The following CSMD1 variants were observed in gnomAD, a reference collection of about 807,000 sequenced individuals.
The protein encoded by CSMD1 is CUB and Sushi multiple domains 1.
CSMD1 carries 213 observed loss-of-function variants against 417.5 expected under a neutral mutation model. The ratio of observed to expected loss-of-function variants is 0.51; its 90% CI spans 0.46 to 0.57. The LOEUF is 0.57. Ranked by LOEUF, CSMD1 falls within the 20% of genes least tolerant of loss-of-function variation. The pLI, the probability that CSMD1 is intolerant of heterozygous loss-of-function variation, is 0.00. For missense variants in CSMD1, 6,923 were observed against 4,529.7 expected (o/e 1.53, Z -15.17); for synonymous variants, 2,862 against 1,736.8 (o/e 1.65, Z -16.11).
intron 3 of CSMD1, among the ~76,000 whole-genome samples, chr8:4,165,600 A>T (rs1417830493): frequency 6.6e-6 from 1 of 152,188 alleles, no homozygotes; most frequent in Non-Finnish European, 1.5e-5. Flanking sequence ...ACATGGTCTC[A>T]CTATGTTGCC....
intron 5 of CSMD1, among the ~76,000 whole-genome samples, chr8:3,899,356 C>G (rs1383964960): frequency 3.9e-5 from 6 of 152,168 alleles, no homozygotes; most frequent in Non-Finnish European, 4.4e-5. Context: ...TGGACAGATT[C>G]TCCGCCCTGG....
intron 3 of CSMD1, among the ~76,000 whole-genome samples, chr8:4,251,498 G>A (rs572341139): frequency 3.9e-5 from 6 of 152,200 alleles, no homozygotes; most frequent in Middle Eastern, 3.4e-3. Flanking sequence ...GAAGACAAAG[G>A]ACAAGATAGT....
At chr8:3,042,992 T>G (rs1811209666) in intron 50 of CSMD1, among the ~76,000 whole-genome samples, 1 of 151,638 alleles carries the variant, frequency 6.6e-6, no homozygotes, top group African/African-American at 2.4e-5. Context: ...CATAGGTCAC[T>G]ATAGCGATAG....
intron 10 of CSMD1, among the ~76,000 whole-genome samples, chr8:3,508,577 ATGAACTGAGACACTTATTTTAGCGATGTG>A (rs1194864319): frequency 1.4e-4 from 21 of 152,194 alleles, no homozygotes; most frequent in African/African-American, 5.1e-4. Flanking sequence ...ATTCAGATGA[ATGAACTGAGACACTTATTTTAGCGATGTG>A]TGAGAAAATT....
chr8:4,937,759 A>G (rs1807720258), intron 1 of CSMD1, among the ~76,000 whole-genome samples: 1 of 151,436 alleles, frequency 6.6e-6, no homozygotes, highest in Admixed American at 6.6e-5. Context: ...TGATCTAGAG[A>G]GAAGTTTCTC....
intron 6 of CSMD1, among the ~76,000 whole-genome samples, chr8:3,733,947 G>A (rs1286616491): frequency 3.9e-5 from 6 of 152,046 alleles, no homozygotes; most frequent in African/African-American, 1.2e-4. Flanking sequence ...GCCATCCACT[G>A]GGGTCCTGAA....
chr8:4,884,976 A>G (rs901924191), intron 1 of CSMD1, among the ~76,000 whole-genome samples: 1 of 152,136 alleles, frequency 6.6e-6, no homozygotes, highest in African/African-American at 2.4e-5. Flanking sequence ...CAACACAGAA[A>G]TTCAGTATTT....
chr8:3,301,174 GACATAA>G (rs1584956851), intron 25 of CSMD1, among the ~76,000 whole-genome samples: 1 of 151,504 alleles, frequency 6.6e-6, no homozygotes, highest in Non-Finnish European at 1.5e-5. Flanking sequence ...TAGTTTTATA[GACATAA>G]ACATAAATTT....
chr8:3,386,669 A>G (rs1811021446), intron 18 of CSMD1, among the ~76,000 whole-genome samples: 1 of 152,132 alleles, frequency 6.6e-6, no homozygotes, highest in Non-Finnish European at 1.5e-5. Flanking sequence ...TAAATGAAAT[A>G]TTTTTGCTTT....
intron 3 of CSMD1, among the ~76,000 whole-genome samples, chr8:4,141,929 T>C (rs1056195905): frequency 6.6e-6 from 1 of 151,264 alleles, no homozygotes. Flanking sequence ...ATATTTGCTA[T>C]GCTATCCAAA....
intron 8 of CSMD1, among the ~76,000 whole-genome samples, chr8:3,616,168 C>T (rs913683531): frequency 5.9e-5 from 9 of 152,126 alleles, no homozygotes; most frequent in African/African-American, 1.9e-4. Context: ...TCTGTCCCCA[C>T]GCAAATCTCA....
intron 20 of CSMD1, among the ~76,000 whole-genome samples, chr8:3,363,274 A>G (rs140294201): frequency 1.7e-4 from 26 of 152,294 alleles, no homozygotes; most frequent in African/African-American, 5.3e-4. Flanking sequence ...TGACTCAACC[A>G]CAGAAGAAGA....
intron 5 of CSMD1, among the ~76,000 whole-genome samples, chr8:3,893,049 C>A (rs1333219717): frequency 1.3e-5 from 2 of 151,434 alleles, no homozygotes; most frequent in Non-Finnish European, 2.9e-5. Context: ...ATGGATTAAA[C>A]AAGTTTGACC....
chr8:2,979,878 A>AGGCATGTACATGCCCCTACAG (rs1293808693), intron 54 of CSMD1, among the ~76,000 whole-genome samples: 32 of 152,370 alleles, frequency 2.1e-4, no homozygotes, highest in Non-Finnish European at 3.7e-4. Context: ...ATAATTTTTA[A>AGGCATGTACATGCCCCTACAG]GGCATGTACA....
chr8:4,486,212 T>C (rs1412267116), intron 2 of CSMD1, among the ~76,000 whole-genome samples: 14 of 14,418 alleles, frequency 9.7e-4, no homozygotes, highest in African/African-American at 2.7e-3. Context: ...TACATATATA[T>C]ATATATATAT....
chr8:4,378,390 A>T (rs1020462957), intron 3 of CSMD1, among the ~76,000 whole-genome samples: 1 of 152,242 alleles, frequency 6.6e-6, no homozygotes, highest in Admixed American at 6.5e-5. Context: ...ACTCGTTTGC[A>T]CGCAAGTTGG....
At chr8:4,928,338 G>A (rs978784310) in intron 1 of CSMD1, among the ~76,000 whole-genome samples, 5 of 152,076 alleles carry the variant, frequency 3.3e-5, no homozygotes, top group African/African-American at 9.7e-5. Context: ...GCCACCATCC[G>A]GTATCACTGT....
chr8:4,453,250 C>G (rs1799260165), intron 2 of CSMD1, among the ~76,000 whole-genome samples: 1 of 150,416 alleles, frequency 6.6e-6, no homozygotes, highest in South Asian at 2.1e-4. Context: ...CACACTGAAC[C>G]TCCTAGCTGT....
chr8:3,456,227 G>C (rs1427490075), intron 12 of CSMD1, among the ~76,000 whole-genome samples: 7 of 152,144 alleles, frequency 4.6e-5, no homozygotes, highest in Non-Finnish European at 5.9e-5. Context: ...TCTTTGACTA[G>C]GAAAGGGAAT....
Sources: gnomAD v4.1 joint callset for allele counts (sites outside exome capture counted in the v4.1 genomes callset) on GRCh38, gnomAD v4.1.1 for gene constraint, MANE v1.5 for transcripts, NCBI Gene and HGNC (gene_info 2026-07-23, HGNC 2026-07-21) for gene names.